Variants in SRBD1 observed in about 807,000 individuals in gnomAD.
SRBD1 encodes S1 RNA binding domain 1.
A neutral mutation model predicts 115.3 loss-of-function variants in SRBD1; 88 were observed. The observed-to-expected ratio is 0.76, with a 90% CI of 0.64 to 0.91. The LOEUF (loss-of-function observed/expected upper bound fraction) is 0.91, where lower values mean the gene tolerates loss of function less well. Among genes scored for constraint, SRBD1 ranks in the 40% least tolerant of loss-of-function variants. SRBD1 has a pLI of 0.00. For missense variants in SRBD1, 1,385 were observed against 1,177.4 expected (o/e 1.18, Z -2.58); for synonymous variants, 509 against 407.7 (o/e 1.25, Z -2.99).
intron 16 of SRBD1, among the ~76,000 whole-genome samples, chr2:45,445,772 G>A (rs1331142264): frequency 6.6e-6 from 1 of 151,932 alleles, no homozygotes; most frequent in Non-Finnish European, 1.5e-5. Flanking sequence ...CCTATGAAAC[G>A]TTTTCATCTC....
At chr2:45,415,733 G>C (rs1449610237) in intron 18 of SRBD1, among the ~76,000 whole-genome samples, 8 of 10,964 alleles carry the variant, frequency 7.3e-4, no homozygotes, top group African/African-American at 8.9e-4. Flanking sequence ...GGAGAGGAGA[G>C]GAGACGAGAG....
chr2:45,487,481 TGA>T (rs1388978121), intron 15 of SRBD1, among the ~76,000 whole-genome samples: 2 of 152,182 alleles, frequency 1.3e-5, no homozygotes, highest in Non-Finnish European at 2.9e-5. Flanking sequence ...ATTAGCAAGA[TGA>T]GAGACTGGTC....
chr2:45,601,542 T>A (rs998050279), intron 3 of SRBD1, among the ~76,000 whole-genome samples: 2 of 152,214 alleles, frequency 1.3e-5, no homozygotes, highest in Non-Finnish European at 2.9e-5. Context: ...TTAACATCTT[T>A]CTTCAGCTTT....
At chr2:45,544,206 C>A (rs1458371931) in intron 14 of SRBD1, among the ~76,000 whole-genome samples, 2 of 139,008 alleles carry the variant, frequency 1.4e-5, no homozygotes, top group African/African-American at 5.7e-5. Context: ...GCACTCCCGC[C>A]TGGGTAACAA....
chr2:45,553,019 G>T (rs908550376), intron 11 of SRBD1, among the ~76,000 whole-genome samples: 1 of 152,176 alleles, frequency 6.6e-6, no homozygotes, highest in African/African-American at 2.4e-5. Context: ...ATGAATTAGG[G>T]AATGTCTAGT....
intron 16 of SRBD1, among the ~76,000 whole-genome samples, chr2:45,423,390 T>C (rs1330624175): frequency 6.6e-6 from 1 of 152,216 alleles, no homozygotes; most frequent in Non-Finnish European, 1.5e-5. Flanking sequence ...TTAAATCAGA[T>C]GTGTTTACAC....
At chr2:45,490,217 T>G (rs1335501576) in intron 14 of SRBD1, among the ~76,000 whole-genome samples, 2 of 152,078 alleles carry the variant, frequency 1.3e-5, no homozygotes, top group Admixed American at 6.5e-5. Flanking sequence ...AAAACTAAAT[T>G]AAGAAGTGAT....
intron 19 of SRBD1, among the ~76,000 whole-genome samples, chr2:45,397,020 A>ACTTT (rs1667165909): frequency 1.3e-5 from 2 of 152,180 alleles, no homozygotes; most frequent in South Asian, 4.1e-4. Flanking sequence ...CTTTCAAGAG[A>ACTTT]CTTTCCTACT....
intron 2 of SRBD1, 37 bp downstream of exon 2, chr2:45,605,325 T>A (rs1674231756): frequency 1.3e-6 from 2 of 1,570,214 alleles, no homozygotes; most frequent in Non-Finnish European, 8.7e-7. Flanking sequence ...AAAATATTCA[T>A]CATTCCCCTA....
intron 10 of SRBD1, among the ~76,000 whole-genome samples, chr2:45,557,433 A>G (rs935318698): frequency 1.3e-5 from 2 of 152,118 alleles, no homozygotes; most frequent in African/African-American, 4.8e-5. Flanking sequence ...ATACCCTCTC[A>G]AACCCCCAGT....
At chr2:45,585,158 A>G (rs534744618) in intron 5 of SRBD1, among the ~76,000 whole-genome samples, 13 of 152,098 alleles carry the variant, frequency 8.5e-5, no homozygotes, top group Non-Finnish European at 1.8e-4. Context: ...TCCGAAAAAA[A>G]AAAAAGATGG....
chr2:45,602,898 A>T (rs1234326007), intron 2 of SRBD1, among the ~76,000 whole-genome samples: 1 of 152,214 alleles, frequency 6.6e-6, no homozygotes, highest in African/African-American at 2.4e-5. Flanking sequence ...CTTCTTAGCT[A>T]AATTATGCTC....
chr2:45,547,925 A>G (rs1010484304), intron 12 of SRBD1, among the ~76,000 whole-genome samples: 1 of 152,210 alleles, frequency 6.6e-6, no homozygotes, highest in Non-Finnish European at 1.5e-5. Context: ...CTGAATTGTT[A>G]GTATATGTCA....
At chr2:45,602,574 G>A (rs1405401773) in intron 2 of SRBD1, among the ~76,000 whole-genome samples, 9 of 152,178 alleles carry the variant, frequency 5.9e-5, no homozygotes, top group African/African-American at 1.9e-4. Flanking sequence ...CCAGCACCAA[G>A]ACCCTTCCAA....
At chr2:45,540,431 T>A (rs1671898164) in intron 14 of SRBD1, among the ~76,000 whole-genome samples, 1 of 151,734 alleles carries the variant, frequency 6.6e-6, no homozygotes, top group African/African-American at 2.4e-5. Context: ...AAACTTCTAG[T>A]ACAAAACAGA....
At chr2:45,605,755 T>G (rs1674249201) in intron 1 of SRBD1, among the ~76,000 whole-genome samples, 1 of 151,658 alleles carries the variant, frequency 6.6e-6, no homozygotes, top group South Asian at 2.1e-4. Flanking sequence ...AATAGAAAAA[T>G]TAGCCAGGTG....
At chr2:45,389,719 G>T in intron 20 of SRBD1, 120 bp from the exon 21 acceptor site, 2 of 1,001,050 alleles carry the variant, frequency 2.0e-6, no homozygotes, top group Non-Finnish European at 2.9e-6. Context: ...ATTAAGGGGG[G>T]ATTATAAAAG....
intron 19 of SRBD1, among the ~76,000 whole-genome samples, chr2:45,408,897 C>G (rs1012010201): frequency 6.6e-6 from 1 of 152,092 alleles, no homozygotes; most frequent in Admixed American, 6.6e-5. Context: ...CATATTATAA[C>G]TAGATTATGG....
intron 10 of SRBD1, 29 bp downstream of exon 10, chr2:45,562,624 G>A: frequency 6.6e-7 from 1 of 1,515,086 alleles, no homozygotes; most frequent in Non-Finnish European, 9.0e-7. Flanking sequence ...AAGAAACAAA[G>A]AAAATTCTGT....
Sources: allele counts gnomAD v4.1 joint callset (sites outside exome capture counted in the v4.1 genomes callset), GRCh38; gene constraint gnomAD v4.1.1; transcripts MANE v1.5; gene names NCBI Gene and HGNC (gene_info 2026-07-23, HGNC 2026-07-21).